Variants in GABBR2 observed in about 807,000 individuals in gnomAD.
GABBR2 encodes G-protein coupled receptor 51.
A neutral mutation model predicts 105.6 loss-of-function variants in GABBR2; 23 were observed. The ratio of observed to expected loss-of-function variants is 0.22; its 90% confidence interval spans 0.16 to 0.31. The LOEUF is 0.31. Ranked by LOEUF, GABBR2 falls within the 10% of genes least tolerant of loss-of-function variation. GABBR2 has a pLI of 1.00. For missense variants in GABBR2, 734 were observed against 1,245.5 expected, an observed-to-expected ratio of 0.59 and a Z score of 6.18; for synonymous variants, 478 against 499.7, an observed-to-expected ratio of 0.96 and a Z score of 0.58.
chr9:98,700,909 G>A (rs1055916264), intron 1 of GABBR2, among the ~76,000 whole-genome samples: 2 of 152,200 alleles, frequency 1.3e-5, no homozygotes, highest in Non-Finnish European at 2.9e-5. Flanking sequence ...ACCTGGAGGA[G>A]AGCCACCCAG....
At chr9:98,652,886 G>T (rs1021014946) in intron 1 of GABBR2, among the ~76,000 whole-genome samples, 2 of 152,206 alleles carry the variant, frequency 1.3e-5, no homozygotes, top group Admixed American at 6.5e-5. Flanking sequence ...CATTTAAATC[G>T]CCAGGGAAGC....
Position 98,675,479 on chromosome 9 carries a change from T to G in GABBR2, c.321+32938A>C, listed in dbSNP as rs936073520. ...GGGAGGGCCAAGGAAAAGGAGTGGTTAGAGATGACGCCAAAGCCCTCAGCT... is the reference window on the plus strand; with the variant it reads ...GGGAGGGCCAAGGAAAAGGAGTGGTGAGAGATGACGCCAAAGCCCTCAGCT... On this transcript the variant is annotated intron_variant, in intron 1 of 18. Coordinates refer to ENST00000259455, the MANE Select transcript of GABBR2 (RefSeq NM_005458.8). 1.1e-4 allele frequency among the ~76,000 whole-genome samples: 17 copies of G among 152,208 alleles called. 1 individual carries two copies. The highest frequency in any genetic ancestry group is 1.0e-3 in the Admixed American group (16 of 15,294).
intron 13 of GABBR2, among the ~76,000 whole-genome samples, chr9:98,355,625 G>A (rs1258199689): frequency 6.6e-6 from 1 of 152,158 alleles, no homozygotes; most frequent in Non-Finnish European, 1.5e-5. Flanking sequence ...AGAAAACTCA[G>A]TATTGGTAAG....
chr9:98,390,470 A>G (rs1247972635), intron 9 of GABBR2, among the ~76,000 whole-genome samples: 2 of 151,850 alleles, frequency 1.3e-5, no homozygotes, highest in African/African-American at 4.8e-5. Flanking sequence ...GAAAGTTTCC[A>G]GGTTTGAAAA....
At chr9:98,515,351 C>G (rs960580316) in intron 3 of GABBR2, among the ~76,000 whole-genome samples, 1 of 152,162 alleles carries the variant, frequency 6.6e-6, no homozygotes, top group African/African-American at 2.4e-5. Context: ...ACGAGCAGTG[C>G]GATCAAATTG....
intron 3 of GABBR2, among the ~76,000 whole-genome samples, chr9:98,534,141 G>A (rs1397064902): frequency 6.6e-6 from 1 of 152,208 alleles, no homozygotes; most frequent in Non-Finnish European, 1.5e-5. Flanking sequence ...GGCCAGGCAG[G>A]GCCCTGGAGG....
intron 2 of GABBR2, among the ~76,000 whole-genome samples, chr9:98,566,915 A>G (rs1828759637): frequency 6.6e-6 from 1 of 151,776 alleles, no homozygotes; most frequent in South Asian, 2.1e-4. Context: ...CACATTTATT[A>G]TTTCTATCTC....
intron 2 of GABBR2, among the ~76,000 whole-genome samples, chr9:98,559,013 CT>C: frequency 6.6e-6 from 1 of 152,226 alleles, no homozygotes; most frequent in Non-Finnish European, 1.5e-5. Flanking sequence ...CTTAGTCTTT[CT>C]GTTCCTTCCT....
At chr9:98,431,898 A>G (rs1825814714) in intron 7 of GABBR2, among the ~76,000 whole-genome samples, 1 of 151,258 alleles carries the variant, frequency 6.6e-6, no homozygotes, top group South Asian at 2.1e-4. Context: ...TTTTTATTTT[A>G]TTATCACTAT....
At chr9:98,585,531 A>G (rs1356032292) in intron 1 of GABBR2, among the ~76,000 whole-genome samples, 2 of 150,892 alleles carry the variant, frequency 1.3e-5, no homozygotes, top group African/African-American at 2.4e-5. Context: ...TAGGAGATAT[A>G]CCTAATGCTA....
intron 7 of GABBR2, among the ~76,000 whole-genome samples, chr9:98,421,768 G>A (rs1832786178): frequency 6.6e-6 from 1 of 152,214 alleles, no homozygotes; most frequent in Non-Finnish European, 1.5e-5. Context: ...ACAGATGACA[G>A]TTGGAAAACT....
intron 11 of GABBR2, among the ~76,000 whole-genome samples, chr9:98,379,090 G>T (rs1831926260): frequency 6.6e-6 from 1 of 152,118 alleles, no homozygotes; most frequent in Admixed American, 6.5e-5. Context: ...CTTGCTGCCT[G>T]CCCCAAAGCC....
At chr9:98,381,662 G>A (rs542037868) in intron 11 of GABBR2, among the ~76,000 whole-genome samples, 1 of 152,292 alleles carries the variant, frequency 6.6e-6, no homozygotes, top group South Asian at 2.1e-4. Context: ...CATGCATGTG[G>A]ACTCCCCTTT....
At chr9:98,702,157 C>G (rs553041152) in intron 1 of GABBR2, among the ~76,000 whole-genome samples, 26 of 152,130 alleles carry the variant, frequency 1.7e-4, no homozygotes, top group Non-Finnish European at 3.2e-4. Flanking sequence ...GTCTCCTGAC[C>G]CTAGGGCCAG....
At chr9:98,510,962 GCACCA>G (rs760098036) in intron 3 of GABBR2, among the ~76,000 whole-genome samples, 6 of 151,790 alleles carry the variant, frequency 4.0e-5, no homozygotes, top group Non-Finnish European at 7.4e-5. Context: ...ATTCTTTTCA[GCACCA>G]CACCACACCT....
At chr9:98,653,717 C>A (rs1830140300) in intron 1 of GABBR2, among the ~76,000 whole-genome samples, 1 of 76,656 alleles carries the variant, frequency 1.3e-5, no homozygotes. Context: ...CTGAGGTTTT[C>A]AGCACACACA....
At chr9:98,386,084 T>C (rs1157650672) in intron 10 of GABBR2, among the ~76,000 whole-genome samples, 1 of 152,234 alleles carries the variant, frequency 6.6e-6, no homozygotes, top group African/African-American at 2.4e-5. Flanking sequence ...CAGACAACTA[T>C]ATATTTCTAA....
chr9:98,580,177 T>C (rs1828982169), intron 1 of GABBR2, among the ~76,000 whole-genome samples: 1 of 152,156 alleles, frequency 6.6e-6, no homozygotes, highest in South Asian at 2.1e-4. Flanking sequence ...CCTTCCCACC[T>C]CTGGGCCTTT....
intron 1 of GABBR2, among the ~76,000 whole-genome samples, chr9:98,626,494 A>C (rs10081642): frequency 0.093 from 14,090 of 152,240 alleles, 1,030 homozygotes; most frequent in African/African-American, 0.2. Flanking sequence ...GAAATCGTAG[A>C]GAGGTAGTGA....
Sources: gnomAD v4.1 joint callset for allele counts (sites outside exome capture counted in the v4.1 genomes callset) on GRCh38, gnomAD v4.1.1 for gene constraint, MANE v1.5 for transcripts, NCBI Gene and HGNC (gene_info 2026-07-23, HGNC 2026-07-21) for gene names.